Variants in MSRA observed in about 807,000 individuals in gnomAD.
The protein encoded by MSRA is methionine sulfoxide reductase A, also known as mitochondrial peptide methionine sulfoxide reductase.
Under a neutral mutation model 31.3 loss-of-function variants are expected in MSRA, and 54 were observed. That is an observed-to-expected ratio of 1.73 (90% CI 1.39 to 2.17). The LOEUF is 2.17. Ranked by LOEUF, MSRA falls within the 30% of genes most tolerant of loss-of-function variation. MSRA has a pLI of 0.00. For synonymous variants in MSRA, 169 were observed against 116.5 expected (o/e 1.45, Z -2.90); for missense variants, 507 against 300.9 (o/e 1.69, Z -5.07).
At chr8:10,404,863 C>T (rs1962392) in intron 5 of MSRA, among the ~76,000 whole-genome samples, 1 of 151,996 alleles carries the variant, frequency 6.6e-6, no homozygotes, top group Non-Finnish European at 1.5e-5. Flanking sequence ...GCACGGCATC[C>T]TCCCCAGTCT....
At chr8:10,150,830 C>G (rs571190135) in intron 1 of MSRA, among the ~76,000 whole-genome samples, 4 of 152,166 alleles carry the variant, frequency 2.6e-5, no homozygotes, top group Non-Finnish European at 5.9e-5. Flanking sequence ...TGCCCAGTTG[C>G]ATCCCTTTCC....
chr8:10,297,520 CT>C (rs1219679605), intron 3 of MSRA, among the ~76,000 whole-genome samples: 6 of 152,172 alleles, frequency 3.9e-5, no homozygotes, highest in Non-Finnish European at 8.8e-5. Context: ...AGATTGGTCT[CT>C]GGAATGAAAT....
rs189701700 is a variant in MSRA, at chr8:10,128,243, G to A, written c.142+73585G>A. Among the ~76,000 whole-genome samples, 82 of 152,196 alleles carry A rather than the reference G, an allele frequency of 5.4e-4. 1 individual carries two copies. In the South Asian group the frequency reaches 8.1e-3, roughly 15 times the overall value. On this transcript the variant is annotated intron_variant, in intron 1 of 5. Coordinates refer to ENST00000317173, the MANE Select transcript of MSRA (RefSeq NM_012331.5). ...AAATTCAAAACATTAGCCAGGCGTG[G>A]TGGTGGAGGCCTGTAATCCTAGCTG...
chr8:10,381,577 G>A (rs917741528), intron 5 of MSRA, among the ~76,000 whole-genome samples: 3 of 152,154 alleles, frequency 2.0e-5, no homozygotes, highest in African/African-American at 7.2e-5. Flanking sequence ...TGGAGACTAG[G>A]CTGGTAGAGG....
intron 3 of MSRA, among the ~76,000 whole-genome samples, chr8:10,284,010 G>A (rs796783645): frequency 7.9e-5 from 12 of 151,802 alleles, no homozygotes; most frequent in African/African-American, 2.9e-4. Context: ...CCTCTTGGTA[G>A]ATAGCCAGTA....
At chr8:10,342,013 A>G (rs568788260) in intron 5 of MSRA, among the ~76,000 whole-genome samples, 2 of 152,300 alleles carry the variant, frequency 1.3e-5, no homozygotes, top group South Asian at 2.1e-4. Flanking sequence ...GGGGAAGCTT[A>G]ACTGTGAGGT....
intron 1 of MSRA, among the ~76,000 whole-genome samples, chr8:10,059,866 G>A (rs1033063344): frequency 1.3e-5 from 2 of 152,140 alleles, no homozygotes; most frequent in Non-Finnish European, 2.9e-5. Context: ...TGGCTTTTAA[G>A]CATATAAAAA....
At chr8:10,413,802 T>TA (rs1248131046) in intron 5 of MSRA, among the ~76,000 whole-genome samples, 4 of 152,182 alleles carry the variant, frequency 2.6e-5, no homozygotes, top group Admixed American at 2.6e-4. Context: ...GAACAGAATT[T>TA]AAAATGGGGG....
At chr8:10,093,331 C>T (rs1798950883) in intron 1 of MSRA, among the ~76,000 whole-genome samples, 1 of 151,854 alleles carries the variant, frequency 6.6e-6, no homozygotes, top group South Asian at 2.1e-4. Flanking sequence ...CATTTATTTT[C>T]CTCTATGTTT....
chr8:10,402,314 C>G (rs1807515641), intron 5 of MSRA, among the ~76,000 whole-genome samples: 1 of 152,250 alleles, frequency 6.6e-6, no homozygotes, highest in South Asian at 2.1e-4. Context: ...CCTCCTATTC[C>G]AGCTCCTGCC....
At chr8:10,263,048 G>A (rs901532938) in intron 3 of MSRA, among the ~76,000 whole-genome samples, 1 of 152,216 alleles carries the variant, frequency 6.6e-6, no homozygotes, top group Non-Finnish European at 1.5e-5. Context: ...TGTCTTGTTT[G>A]TGTACCGGCT....
chr8:10,325,548 T>A (rs1802313884), intron 5 of MSRA, among the ~76,000 whole-genome samples: 1 of 152,222 alleles, frequency 6.6e-6, no homozygotes. Context: ...CATGTATTTA[T>A]GAGGCCCTTT....
At chr8:10,386,662 C>T (rs1806411226) in intron 5 of MSRA, among the ~76,000 whole-genome samples, 2 of 152,202 alleles carry the variant, frequency 1.3e-5, no homozygotes, top group South Asian at 4.1e-4. Context: ...CCAAAATAGG[C>T]ATGTCTAACA....
At chr8:10,413,451 T>G (rs1323632195) in intron 5 of MSRA, among the ~76,000 whole-genome samples, 1 of 152,168 alleles carries the variant, frequency 6.6e-6, no homozygotes, top group African/African-American at 2.4e-5. Flanking sequence ...GGACATCTGA[T>G]TTCCAGAGTT....
At chr8:10,252,110 A>C (rs1195642373) in intron 3 of MSRA, among the ~76,000 whole-genome samples, 1 of 152,212 alleles carries the variant, frequency 6.6e-6, no homozygotes, top group Non-Finnish European at 1.5e-5. Flanking sequence ...TATTTTGAAA[A>C]GTTATTAAGA....
chr8:10,244,885 T>G (rs1797533682), intron 2 of MSRA, among the ~76,000 whole-genome samples: 1 of 152,156 alleles, frequency 6.6e-6, no homozygotes, highest in South Asian at 2.1e-4. Flanking sequence ...TTTGCACAGC[T>G]AAAGCAAAGA....
intron 5 of MSRA, among the ~76,000 whole-genome samples, chr8:10,388,816 C>G (rs1321566128): frequency 3.3e-5 from 5 of 151,780 alleles, no homozygotes; most frequent in Admixed American, 2.6e-4. Context: ...ACCGGCATCG[C>G]TGGTTTGACC....
chr8:10,302,045 C>T lies in MSRA; in HGVS notation c.436+407C>T, dbSNP rs540492938. On this transcript the variant is annotated intron_variant, in intron 4 of 5. Coordinates refer to ENST00000317173, the MANE Select transcript of MSRA (RefSeq NM_012331.5). ...GAGTTTAGCCTTTCTCGTCTTTTGACGTTATCAGGTTGGATTTTTTTAAAA... is the reference window on the plus strand; with the variant it reads ...GAGTTTAGCCTTTCTCGTCTTTTGATGTTATCAGGTTGGATTTTTTTAAAA... Among the ~76,000 whole-genome samples the T allele has an allele frequency of 9.2e-5, 14 of 152,214 alleles. No homozygotes were observed. In the East Asian group the frequency reaches 1.5e-3, roughly 17 times the overall value.
At chr8:10,179,241 C>G (rs1806328205) in intron 1 of MSRA, among the ~76,000 whole-genome samples, 1 of 151,916 alleles carries the variant, frequency 6.6e-6, no homozygotes, top group Admixed American at 6.6e-5. Flanking sequence ...GCAAAATTAC[C>G]CAGTTTTTTG....
Sources: allele counts gnomAD v4.1 joint callset (sites outside exome capture counted in the v4.1 genomes callset), GRCh38; gene constraint gnomAD v4.1.1; transcripts MANE v1.5; gene names NCBI Gene and HGNC (gene_info 2026-07-23, HGNC 2026-07-21).